The following SPAG1 variants were observed in gnomAD, a reference collection of about 807,000 sequenced individuals.
SPAG1 encodes sperm associated antigen 1.
SPAG1 carries 69 observed loss-of-function variants against 100.5 expected under a neutral mutation model. That is an observed-to-expected ratio of 0.69 (90% CI 0.57 to 0.84). SPAG1 has a LOEUF of 0.84. Among genes scored for constraint, SPAG1 ranks in the 40% least tolerant of loss-of-function variants. The pLI is 0.00. For synonymous variants in SPAG1, 336 were observed against 411.6 expected, an observed-to-expected ratio of 0.82 and a Z score of 2.22; for missense variants, 955 against 1,133.1, an observed-to-expected ratio of 0.84 and a Z score of 2.26.
chr8:100,192,303 A>G (rs1816849633), intron 9 of SPAG1, among the ~76,000 whole-genome samples: 1 of 152,242 alleles, frequency 6.6e-6, no homozygotes, highest in South Asian at 2.1e-4. Context: ...CTGGGGCAAC[A>G]GAGTGAGACT....
rs570485836 is a variant in SPAG1, at chr8:100,196,385, G to T, written c.1096+2117G>T. On this transcript the variant is annotated intron_variant, in intron 10 of 18. Transcript: ENST00000388798. ...TGCTTCTCGTCCTTGCCAGCATTTG[G>T]TATTGATTTTTTTCCCCTTTTTACC... is the stretch of plus-strand genomic sequence containing the variant. Among the ~76,000 whole-genome samples the T allele has an allele frequency of 3.9e-5, 6 of 152,196 alleles. No homozygotes were observed. The South Asian group carries it at 1.0e-3, about 26-fold the overall frequency.
At chr8:100,220,210 A>C (rs1157358415) in intron 12 of SPAG1, 69 bp from the exon 13 acceptor site, 11 of 1,334,496 alleles carry the variant, frequency 8.2e-6, no homozygotes, top group Non-Finnish European at 1.2e-5. Context: ...TGCAGTATCT[A>C]TTCAGTGAAG....
chr8:100,213,454 C>T, intron 11 of SPAG1, 26 bp downstream of exon 11: 1 of 1,375,254 alleles, frequency 7.3e-7, no homozygotes, highest in Non-Finnish European at 9.4e-7. Flanking sequence ...CCCGCCGCTT[C>T]CTGGGCCCCT....
chr8:100,218,397 A>C (rs1303719638), intron 12 of SPAG1, among the ~76,000 whole-genome samples: 2 of 152,228 alleles, frequency 1.3e-5, no homozygotes, highest in Non-Finnish European at 2.9e-5. Context: ...TGAATAGATA[A>C]ATGGCACCTT....
chr8:100,231,065 T>A, intron 14 of SPAG1, 91 bp from the exon 15 acceptor site: 1 of 1,155,098 alleles, frequency 8.7e-7, no homozygotes, highest in Non-Finnish European at 1.2e-6. Context: ...TCAAGTTAAT[T>A]TGCAATAGAA....
intron 10 of SPAG1, among the ~76,000 whole-genome samples, chr8:100,207,560 GGTGGTACACTT>G (rs1817560907): frequency 2.6e-5 from 4 of 152,210 alleles, no homozygotes. Context: ...CAGTGCACCT[GGTGGTACACTT>G]TGCATAGAAG....
chr8:100,210,191 GTT>G (rs199845523), intron 10 of SPAG1, among the ~76,000 whole-genome samples: 32 of 142,598 alleles, frequency 2.2e-4, no homozygotes, highest in African/African-American at 4.4e-4. Flanking sequence ...AGTTTTCTGA[GTT>G]TTTTTTTTTT....
chr8:100,229,218 G>A (rs950485041), intron 14 of SPAG1, among the ~76,000 whole-genome samples: 2 of 151,764 alleles, frequency 1.3e-5, no homozygotes, highest in African/African-American at 4.8e-5. Flanking sequence ...GTCAGGAGAT[G>A]GAGACCATCC....
chr8:100,166,151 C>T (rs886785989), intron 3 of SPAG1, among the ~76,000 whole-genome samples, 178 bp downstream of exon 3: 10 of 152,184 alleles, frequency 6.6e-5, no homozygotes, highest in African/African-American at 1.9e-4. Context: ...TGTGTGCGTC[C>T]GTACATGTGT....
intron 10 of SPAG1, among the ~76,000 whole-genome samples, chr8:100,212,731 C>A (rs754197419): frequency 6.6e-6 from 1 of 152,200 alleles, no homozygotes; most frequent in Non-Finnish European, 1.5e-5. Context: ...CAACTCCATT[C>A]AAAAAAGTAC....
intron 3 of SPAG1, among the ~76,000 whole-genome samples, chr8:100,174,912 T>C (rs553903759): frequency 6.6e-6 from 1 of 152,294 alleles, no homozygotes; most frequent in South Asian, 2.1e-4. Flanking sequence ...GTAAATCCTA[T>C]GAAATCCCGG....
chr8:100,240,320 A>G (rs1819201048), intron 17 of SPAG1, 83 bp from the exon 18 acceptor site: 3 of 1,354,592 alleles, frequency 2.2e-6, no homozygotes, highest in Non-Finnish European at 3.0e-6. Flanking sequence ...GTAGTTTTCA[A>G]TTCTCATTCT....
chr8:100,187,869 T>A (rs999136677), intron 8 of SPAG1, among the ~76,000 whole-genome samples: 16 of 152,218 alleles, frequency 1.1e-4, no homozygotes, highest in African/African-American at 3.9e-4. Context: ...GTTTGTTTTT[T>A]TGAGACTGAG....
chr8:100,161,462 A>G (rs545150516), intron 1 of SPAG1, among the ~76,000 whole-genome samples: 4 of 152,334 alleles, frequency 2.6e-5, no homozygotes, highest in Non-Finnish European at 4.4e-5. Context: ...TGGTTAAGTT[A>G]AATATTAAAA....
intron 3 of SPAG1, among the ~76,000 whole-genome samples, chr8:100,172,417 G>A (rs1017589844): frequency 7.2e-5 from 11 of 151,992 alleles, no homozygotes; most frequent in Non-Finnish European, 1.3e-4. Flanking sequence ...TCAGGAGTTC[G>A]AGACCACCCT....
At chr8:100,179,177 G>A (rs1816259569) in intron 4 of SPAG1, among the ~76,000 whole-genome samples, 2 of 151,912 alleles carry the variant, frequency 1.3e-5, no homozygotes. Context: ...GAGGTCAGGA[G>A]TTCAAGACCA....
chr8:100,166,041 G>A (rs1815536683), intron 3 of SPAG1, 68 bp downstream of exon 3: 5 of 1,354,858 alleles, frequency 3.7e-6, no homozygotes, highest in East Asian at 2.4e-5. Context: ...TTCACTTATC[G>A]GAAATCCTAG....
chr8:100,166,303 G>C (rs1815552730), intron 3 of SPAG1, among the ~76,000 whole-genome samples: 1 of 151,436 alleles, frequency 6.6e-6, no homozygotes, highest in Non-Finnish European at 1.5e-5. Flanking sequence ...TTGTTGCCCA[G>C]GCTGGAGTGC....
intron 14 of SPAG1, among the ~76,000 whole-genome samples, chr8:100,229,935 C>T (rs1295103122): frequency 1.3e-5 from 2 of 152,178 alleles, no homozygotes; most frequent in African/African-American, 4.8e-5. Context: ...GCTCTGATGG[C>T]CCCATTTTCA....
Sources: gnomAD v4.1 joint callset for allele counts (sites outside exome capture counted in the v4.1 genomes callset) on GRCh38, gnomAD v4.1.1 for gene constraint, MANE v1.5 for transcripts, NCBI Gene and HGNC (gene_info 2026-07-23, HGNC 2026-07-21) for gene names.